GALNT17: variants seen among roughly 807,000 people sequenced by gnomAD.
GALNT17 encodes polypeptide N-acetylgalactosaminyltransferase 17, also known as UDP-GalNAc:polypeptide N-acetylgalactosaminyltransferase-like 3.
GALNT17 carries 29 observed loss-of-function variants against 63.7 expected under a neutral mutation model. The ratio of observed to expected loss-of-function variants is 0.46; its 90% CI spans 0.34 to 0.62. GALNT17 has a LOEUF of 0.62. Ranked by LOEUF, GALNT17 falls within the 20% of genes least tolerant of loss-of-function variation. GALNT17 has a pLI of 0.01. For missense variants in GALNT17, 603 were observed against 799.6 expected (o/e 0.75, Z 2.97); for synonymous variants, 305 against 318.3 (o/e 0.96, Z 0.45).
intron 9 of GALNT17, among the ~76,000 whole-genome samples, chr7:71,679,730 C>G (rs1791209471): frequency 6.6e-6 from 1 of 151,878 alleles, no homozygotes; most frequent in African/African-American, 2.4e-5. Context: ...AGGCCTGCAC[C>G]AAGACTCCAG....
In GALNT17 at chr7:71,710,630, C is replaced by G. The variant is rs1280764435; in HGVS notation, c.1501-131C>G. The G allele has an allele frequency of 3.8e-6, 4 of 1,046,106 alleles. No individual in the cohort carries two copies. The African/African-American group carries it at 6.3e-5, about 16-fold the overall frequency. The allele number at this position is 1,046,106 out of a possible 1,614,324, so 64.8% of individuals were successfully genotyped here. A position where few individuals can be genotyped will look rare whatever the true frequency, so the allele number is the denominator to read the frequency against. ...GTGAGCATATGGCCTGAGTGACAGG[C>G]TGGGATGGTGGCCAGGACTGCAGTA... On this transcript the variant is annotated intron_variant, in intron 9 of 10. Transcript: ENST00000333538.
intron 2 of GALNT17, among the ~76,000 whole-genome samples, chr7:71,385,999 C>G (rs947944475): frequency 2.6e-5 from 4 of 152,152 alleles, no homozygotes; most frequent in Non-Finnish European, 5.9e-5. Context: ...GCCAGGAGTT[C>G]GAGACCAGCC....
rs377108579 is a variant in GALNT17, at chr7:71,388,410, G to T, written c.589+9G>T. 1.1e-5 allele frequency: 18 copies of T among 1,613,208 alleles called. No individual in the cohort carries two copies. The highest frequency in any genetic ancestry group is 1.4e-5 in the Non-Finnish European group (17 of 1,179,536). ...TGACAACAGCGACGAAGGTACAGGGGTGGCTGACCTGTGCACAGGACATGA... is the reference window on the plus strand; with the variant it reads ...TGACAACAGCGACGAAGGTACAGGGTTGGCTGACCTGTGCACAGGACATGA... On this transcript the variant is annotated intron_variant, in intron 3 of 10. Transcript: ENST00000333538.
chr7:71,463,510 G>A (rs1026351888), intron 5 of GALNT17, among the ~76,000 whole-genome samples: 1 of 152,184 alleles, frequency 6.6e-6, no homozygotes, highest in Non-Finnish European at 1.5e-5. Context: ...TGAGTCCATA[G>A]GGTGAAGTGA....
At position 71,147,789 on chromosome 7, in the gene GALNT17, AC is replaced by A. The variant is rs540629121; in HGVS notation, c.238+14752del. ...TGGGACTACAAGAGTGCACCACCAC[AC>A]CCGGCTAATTTTTTGTATTTTTAGT... On this transcript the variant is annotated intron_variant, in intron 1 of 10. Coordinates refer to ENST00000333538, the MANE Select transcript of GALNT17 (RefSeq NM_022479.3). Among the ~76,000 whole-genome samples, 6 of 151,802 alleles carry A rather than the reference AC, an allele frequency of 4.0e-5. No individual in the cohort carries two copies. In the East Asian group the frequency reaches 1.2e-3, roughly 30 times the overall value.
At chr7:71,711,001 C>A in intron 10 of GALNT17, 73 bp downstream of exon 10, 1 of 1,538,726 alleles carries the variant, frequency 6.5e-7, no homozygotes, top group Non-Finnish European at 8.8e-7. Context: ...GGGAATCCTG[C>A]TTCCCCAGGG....
chr7:71,238,490 G>A (rs568024330), intron 1 of GALNT17, among the ~76,000 whole-genome samples: 1 of 152,172 alleles, frequency 6.6e-6, no homozygotes, highest in African/African-American at 2.4e-5. Context: ...CTCCCAAAGT[G>A]TTGGGGTTAC....
intron 5 of GALNT17, among the ~76,000 whole-genome samples, chr7:71,551,322 C>G (rs1789072721): frequency 6.6e-6 from 1 of 152,110 alleles, no homozygotes; most frequent in Non-Finnish European, 1.5e-5. Flanking sequence ...TGTTGTGCTA[C>G]TTTTTGTGAT....
chr7:71,360,352 A>G lies in GALNT17; in HGVS notation c.422+24619A>G, dbSNP rs1792374456. Among the ~76,000 whole-genome samples the G allele has an allele frequency of 2.6e-5, 4 of 152,168 alleles. No homozygotes were observed. In the South Asian group the frequency reaches 8.3e-4, roughly 32 times the overall value. On this transcript the variant is annotated intron_variant, in intron 2 of 10. Transcript: ENST00000333538. ...ACCATCATAACTACTAAATAAAAGG[A>G]AAACATGTGATTTCCAGTTCAGATG... is the stretch of plus-strand genomic sequence containing the variant.
chr7:71,507,407 G>T (rs1788285975), intron 5 of GALNT17, among the ~76,000 whole-genome samples: 1 of 152,162 alleles, frequency 6.6e-6, no homozygotes, highest in African/African-American at 2.4e-5. Context: ...CAGCTAAAAT[G>T]AGGAAAACAC....
chr7:71,547,854 C>T (rs1214063994), intron 5 of GALNT17, among the ~76,000 whole-genome samples: 2 of 151,998 alleles, frequency 1.3e-5, no homozygotes, highest in South Asian at 2.1e-4. Context: ...ATGAGTTGTA[C>T]ACAGTGATTT....
chr7:71,373,964 T>C (rs1326711981), intron 2 of GALNT17, among the ~76,000 whole-genome samples: 1 of 152,238 alleles, frequency 6.6e-6, no homozygotes, highest in Non-Finnish European at 1.5e-5. Context: ...AGTTTTGTTA[T>C]TTATTGTTAC....
chr7:71,164,814 G>A (rs567850024), intron 1 of GALNT17, among the ~76,000 whole-genome samples: 7 of 152,186 alleles, frequency 4.6e-5, no homozygotes, highest in East Asian at 1.9e-4. Flanking sequence ...ATTAAAACCC[G>A]TCTTATTTCC....
rs193006578 is a variant in GALNT17, at chr7:71,238,502, G to A, written c.239-97048G>A. 4.2e-3 allele frequency among the ~76,000 whole-genome samples: 644 copies of A among 152,142 alleles called. 5 individuals carry two copies. Among genetic ancestry groups the A allele is most frequent in the African/African-American group, 0.015 (604 of 41,498 alleles). Reference sequence around the variant, plus strand: ...AGCCTCCCAAAGTGTTGGGGTTACAGGCATGAGCCATCACCCCACTGCACC... The same window carrying A: ...AGCCTCCCAAAGTGTTGGGGTTACAAGCATGAGCCATCACCCCACTGCACC... On this transcript the variant is annotated intron_variant, in intron 1 of 10. Transcript: ENST00000333538.
chr7:71,572,296 G>A (rs147248738), intron 6 of GALNT17, among the ~76,000 whole-genome samples: 1 of 151,122 alleles, frequency 6.6e-6, no homozygotes, highest in African/African-American at 2.4e-5. Flanking sequence ...GAGCCCAGGA[G>A]TTCAAAACCA....
At chr7:71,135,182 T>C (rs1434554251) in intron 1 of GALNT17, among the ~76,000 whole-genome samples, 2 of 152,146 alleles carry the variant, frequency 1.3e-5, no homozygotes, top group African/African-American at 4.8e-5. Context: ...GAGCATTAAA[T>C]ATTATATAGC....
chr7:71,258,655 C>T (rs989288371), intron 1 of GALNT17, among the ~76,000 whole-genome samples: 15 of 152,028 alleles, frequency 9.9e-5, no homozygotes, highest in African/African-American at 3.6e-4. Context: ...GCCCTGAATG[C>T]TTGGGGAAAT....
At chr7:71,291,332 T>C (rs903574157) in intron 1 of GALNT17, among the ~76,000 whole-genome samples, 1 of 152,220 alleles carries the variant, frequency 6.6e-6, no homozygotes, top group African/African-American at 2.4e-5. Flanking sequence ...CTTTAATTAT[T>C]ATGTCTTTTA....
chr7:71,256,303 G>C (rs969910720), intron 1 of GALNT17, among the ~76,000 whole-genome samples: 2 of 152,200 alleles, frequency 1.3e-5, no homozygotes, highest in African/African-American at 4.8e-5. Flanking sequence ...TAGGCGTGGT[G>C]GCTCACACCT....
Sources: allele counts gnomAD v4.1 joint callset (sites outside exome capture counted in the v4.1 genomes callset), GRCh38; gene constraint gnomAD v4.1.1; transcripts MANE v1.5; gene names NCBI Gene and HGNC (gene_info 2026-07-23, HGNC 2026-07-21).